EYA1: variants seen among roughly 807,000 people sequenced by gnomAD.
EYA1 encodes the protein protein phosphatase EYA1.
In EYA1, 16 loss-of-function variants were observed where a neutral mutation model predicts 82.0. That is an observed-to-expected ratio of 0.20 (90% CI 0.13 to 0.30). EYA1 has a LOEUF of 0.30. EYA1 is among the 10% of genes least tolerant of loss of function. The pLI is 1.00. For synonymous variants in EYA1, 261 were observed against 264.4 expected, an observed-to-expected ratio of 0.99 and a Z score of 0.12; for missense variants, 633 against 730.7, an observed-to-expected ratio of 0.87 and a Z score of 1.54.
intron 5 of EYA1, 131 bp downstream of exon 5, chr8:71,322,068 A>G (rs929452764): frequency 9.3e-7 from 1 of 1,080,736 alleles, no homozygotes; most frequent in Non-Finnish European, 1.4e-6. Flanking sequence ...ATTTGTATCA[A>G]TATGTTTACA....
At chr8:71,297,210 C>T (rs531457518) in intron 9 of EYA1, among the ~76,000 whole-genome samples, 3 of 152,094 alleles carry the variant, frequency 2.0e-5, no homozygotes, top group Middle Eastern at 3.4e-3. Context: ...AACCATGGAC[C>T]GATTTTGAAA....
At chr8:71,463,815 C>T (rs1018279672) in intron 2 of EYA1, among the ~76,000 whole-genome samples, 1 of 152,038 alleles carries the variant, frequency 6.6e-6, no homozygotes, top group Admixed American at 6.6e-5. Context: ...TGCTGAATTC[C>T]TGAAGACAAC....
intron 2 of EYA1, among the ~76,000 whole-genome samples, chr8:71,452,496 T>C (rs1198161279): frequency 6.6e-6 from 1 of 152,120 alleles, no homozygotes; most frequent in African/African-American, 2.4e-5. Flanking sequence ...GACTCCCAAG[T>C]ACCCTAACTG....
In EYA1 at chr8:71,287,051, C is replaced by T. The variant is rs564096541; in HGVS notation, c.826+11996G>A. Among the ~76,000 whole-genome samples the T allele has an allele frequency of 7.4e-4, 112 of 152,038 alleles. No individual in the cohort carries two copies. In the East Asian group the frequency reaches 0.011, roughly 14 times the overall value. Reference sequence around the variant, plus strand: ...TCCTGACTTCGTGATCCACCCTCTTCGGCCTCCCAAAGTGCTGGGATTACA... The same window carrying T: ...TCCTGACTTCGTGATCCACCCTCTTTGGCCTCCCAAAGTGCTGGGATTACA... On this transcript the variant is annotated intron_variant, in intron 9 of 17. Coordinates refer to ENST00000340726, the MANE Select transcript of EYA1 (RefSeq NM_000503.6).
At chr8:71,216,091 T>C (rs1809156253) in intron 14 of EYA1, among the ~76,000 whole-genome samples, 1 of 152,144 alleles carries the variant, frequency 6.6e-6, no homozygotes, top group Admixed American at 6.5e-5. Context: ...TGTGCCAAAC[T>C]ACTGGTAGAG....
At chr8:71,370,376 C>G (rs913953255) in intron 2 of EYA1, among the ~76,000 whole-genome samples, 4 of 147,166 alleles carry the variant, frequency 2.7e-5, no homozygotes, top group Admixed American at 6.9e-5. Flanking sequence ...TATCATGTAT[C>G]TAGTATGTGC....
intron 2 of EYA1, among the ~76,000 whole-genome samples, chr8:71,441,108 T>G (rs1175862558): frequency 3.3e-5 from 5 of 152,160 alleles, no homozygotes; most frequent in Admixed American, 6.5e-5. Context: ...GTTTAGGGAT[T>G]GAATGATTTG....
chr8:71,341,460 A>G (rs1825117566), intron 3 of EYA1, among the ~76,000 whole-genome samples: 1 of 152,236 alleles, frequency 6.6e-6, no homozygotes, highest in Non-Finnish European at 1.5e-5. Flanking sequence ...TGTGAAGAGA[A>G]TAAAATTGTT....
At chr8:71,280,406 A>G (rs1489234299) in intron 9 of EYA1, among the ~76,000 whole-genome samples, 1 of 152,224 alleles carries the variant, frequency 6.6e-6, no homozygotes. Context: ...GTGACCTCCC[A>G]TAGCTGAATA....
rs138664119 is a variant in EYA1, at chr8:71,310,304, G to A, written c.556+7248C>T. Among the ~76,000 whole-genome samples the A allele has an allele frequency of 5.9e-4, 90 of 152,220 alleles. 2 individuals are homozygous for A. The East Asian group carries it at 0.016, about 27-fold the overall frequency. On this transcript the variant is annotated intron_variant, in intron 7 of 17. Coordinates refer to ENST00000340726, the MANE Select transcript of EYA1 (RefSeq NM_000503.6). ...TTTAAGTTCAGAGGTACATGTGCAG[G>A]TTTGTTATGTAAACTTGTGTCATGG... is the stretch of plus-strand genomic sequence containing the variant.
chr8:71,470,881 T>C, intron 2 of EYA1: 1 of 455,706 alleles, frequency 2.2e-6, no homozygotes, highest in Non-Finnish European at 4.4e-6. Flanking sequence ...TGAGAGCTGC[T>C]GCTGTGGTTG....
chr8:71,467,953 A>G (rs959245019), intron 2 of EYA1, among the ~76,000 whole-genome samples: 1 of 152,102 alleles, frequency 6.6e-6, no homozygotes, highest in East Asian at 1.9e-4. Flanking sequence ...ATTGAACACT[A>G]GCAGGAAAGG....
intron 2 of EYA1, chr8:71,470,739 G>T (rs1809126103): frequency 5.9e-6 from 2 of 341,326 alleles, no homozygotes; most frequent in Admixed American, 8.2e-5. Flanking sequence ...AGGATTAAGG[G>T]GGAAAACATC....
chr8:71,253,894 A>T (rs2128920699), intron 11 of EYA1, among the ~76,000 whole-genome samples: 1 of 152,334 alleles, frequency 6.6e-6, no homozygotes, highest in South Asian at 2.1e-4. Context: ...TTGATACTTG[A>T]GAAAATATCA....
At chr8:71,270,849 G>T (rs1030383329) in intron 10 of EYA1, among the ~76,000 whole-genome samples, 3 of 152,236 alleles carry the variant, frequency 2.0e-5, no homozygotes, top group South Asian at 2.1e-4. Context: ...GGCTGGGCGT[G>T]GTGGCTCGTG....
At chr8:71,391,120 T>G (rs1829255230) in intron 2 of EYA1, among the ~76,000 whole-genome samples, 1 of 152,108 alleles carries the variant, frequency 6.6e-6, no homozygotes, top group Non-Finnish European at 1.5e-5. Flanking sequence ...ACTACAGGTG[T>G]GTGCCACCAC....
chr8:71,499,430 G>C (rs1414883749), intron 2 of EYA1, among the ~76,000 whole-genome samples: 2 of 152,158 alleles, frequency 1.3e-5, no homozygotes, highest in Admixed American at 6.5e-5. Flanking sequence ...GAGGCACAGA[G>C]GTGCTAAGGA....
intron 12 of EYA1, among the ~76,000 whole-genome samples, chr8:71,232,952 TCA>T (rs906756178): frequency 2.6e-5 from 4 of 152,162 alleles, no homozygotes; most frequent in Non-Finnish European, 5.9e-5. Flanking sequence ...CACGCAATTC[TCA>T]CACTGACCCG....
chr8:71,453,779 A>G (rs1162249082), intron 2 of EYA1, among the ~76,000 whole-genome samples: 1 of 152,180 alleles, frequency 6.6e-6, no homozygotes, highest in East Asian at 1.9e-4. Context: ...AACACTAAAC[A>G]TGGAAAGGAA....
Sources: gnomAD v4.1 joint callset for allele counts (sites outside exome capture counted in the v4.1 genomes callset) on GRCh38, gnomAD v4.1.1 for gene constraint, MANE v1.5 for transcripts, NCBI Gene and HGNC (gene_info 2026-07-23, HGNC 2026-07-21) for gene names.